BLTP1: variants seen among roughly 807,000 people sequenced by gnomAD.
The protein encoded by BLTP1 is fragile site-associated protein.
At chr4:122,200,583 C>CAAAAAAAAAAAAAAAAAA in the BLTP1 span, 2 of 645,770 alleles carry the variant, frequency 3.1e-6, no homozygotes. Context: ...CGTCTCAAAA[C>CAAAAAAAAAAAAAAAAAA]AAAAAAAAAA....
At chr4:122,316,000 A>G in the BLTP1 span, among the ~76,000 whole-genome samples, 1 of 152,170 alleles carries the variant, frequency 6.6e-6, no homozygotes, top group South Asian at 2.1e-4. Context: ...AGTGATGAAA[A>G]TATTCCCAAC....
the BLTP1 span, among the ~76,000 whole-genome samples, chr4:122,326,757 A>C: frequency 2.0e-5 from 3 of 151,768 alleles, no homozygotes; most frequent in African/African-American, 7.2e-5. Flanking sequence ...TAAATATTAG[A>C]TTTTTCTAAT....
At chr4:122,229,695 T>G in the BLTP1 span, 2 of 960,386 alleles carry the variant, frequency 2.1e-6, no homozygotes, top group South Asian at 4.8e-5. Flanking sequence ...GGATTTCTGC[T>G]TTTTTCCTTT....
chr4:122,341,966 G>GA, the BLTP1 span: 40 of 350,156 alleles, frequency 1.1e-4, no homozygotes, highest in South Asian at 3.5e-4. Context: ...TAACAAAAAG[G>GA]AAAAAAAAGC....
chr4:122,347,713 C>G, the BLTP1 span: 2 of 1,613,768 alleles, frequency 1.2e-6, no homozygotes, highest in South Asian at 2.2e-5. Context: ...GACAGTAGGA[C>G]AGAGCCTAAA....
At chr4:122,321,966 A>T in the BLTP1 span, among the ~76,000 whole-genome samples, 2 of 63,540 alleles carry the variant, frequency 3.1e-5, no homozygotes, top group African/African-American at 5.8e-5. Flanking sequence ...TGATAATGAT[A>T]TAACTACATG....
At chr4:122,214,314 A>C in the BLTP1 span, 1 of 926,170 alleles carries the variant, frequency 1.1e-6, no homozygotes. Flanking sequence ...TTCTTAAGTA[A>C]ATTGAAATGT....
chr4:122,249,914 T>C, the BLTP1 span: 1 of 984,740 alleles, frequency 1.0e-6, no homozygotes, highest in East Asian at 1.1e-4. Flanking sequence ...CAACAATATG[T>C]TTTTCCGAAT....
chr4:122,347,847 G>T, the BLTP1 span: 4 of 1,088,546 alleles, frequency 3.7e-6, no homozygotes, highest in Non-Finnish European at 3.9e-6. Context: ...GTTACTCTCA[G>T]ATTTCAGCCC....
chr4:122,205,593 A>G, the BLTP1 span, among the ~76,000 whole-genome samples: 4 of 129,430 alleles, frequency 3.1e-5, no homozygotes, highest in African/African-American at 6.1e-5. Flanking sequence ...TCTCTCTAGT[A>G]TCAAAGTCTG....
At chr4:122,171,934 T>G in the BLTP1 span, 1 of 985,300 alleles carries the variant, frequency 1.0e-6, no homozygotes, top group Non-Finnish European at 1.2e-6. Flanking sequence ...GCATATTTTC[T>G]CAGCAAATGC....
chr4:122,328,252 A>G, the BLTP1 span: 2 of 1,611,180 alleles, frequency 1.2e-6, no homozygotes, highest in East Asian at 2.2e-5. Context: ...CAAACTGAAG[A>G]GGGCCGACGG....
the BLTP1 span, among the ~76,000 whole-genome samples, chr4:122,268,593 A>T: frequency 5.9e-5 from 9 of 152,304 alleles, no homozygotes; most frequent in Non-Finnish European, 2.9e-5. Context: ...TGGAAGTATC[A>T]ACATTTCCAT....
the BLTP1 span, chr4:122,173,181 TCTTC>T: frequency 1.3e-6 from 2 of 1,599,962 alleles, no homozygotes; most frequent in African/African-American, 1.3e-5. Context: ...TGAATTTTTT[TCTTC>T]CTTATAATCT....
chr4:122,153,929 C>A, the BLTP1 span: 1 of 869,100 alleles, frequency 1.2e-6, no homozygotes, highest in South Asian at 5.3e-5. Context: ...CCTGTTTGTG[C>A]ATGATTAAGT....
the BLTP1 span, chr4:122,263,613 C>A: frequency 6.5e-7 from 1 of 1,550,102 alleles, no homozygotes. Context: ...ATTGAGTTAT[C>A]ACATTATTTT....
chr4:122,309,154 C>T, the BLTP1 span: 5 of 1,382,998 alleles, frequency 3.6e-6, no homozygotes, highest in Non-Finnish European at 3.8e-6. Context: ...CTTTAATGAA[C>T]ATATCTAGGC....
the BLTP1 span, chr4:122,201,198 T>C: frequency 1.6e-6 from 2 of 1,218,668 alleles, no homozygotes; most frequent in Non-Finnish European, 2.3e-6. Flanking sequence ...TAAGTTTTAC[T>C]TTTAAATTAC....
At chr4:122,204,037 C>T in the BLTP1 span, 1 of 178,912 alleles carries the variant, frequency 5.6e-6, no homozygotes, top group South Asian at 1.9e-4. Flanking sequence ...AACCAATATA[C>T]ATTGTAAGTC....
Sources: allele counts gnomAD v4.1 joint callset (sites outside exome capture counted in the v4.1 genomes callset), GRCh38; gene constraint gnomAD v4.1.1; transcripts MANE v1.5; gene names NCBI Gene and HGNC (gene_info 2026-07-23, HGNC 2026-07-21).